The following GRM7 variants were observed in gnomAD, a reference collection of about 807,000 sequenced individuals.
The protein encoded by GRM7 is metabotropic glutamate receptor 7.
In GRM7, 35 loss-of-function variants were observed where a neutral mutation model predicts 84.5. The ratio of observed to expected loss-of-function variants is 0.41; its 90% CI spans 0.32 to 0.55. The LOEUF (loss-of-function observed/expected upper bound fraction) is 0.55, where lower values mean the gene tolerates loss of function less well. GRM7 is among the 20% of genes least tolerant of loss of function. The pLI, the probability that GRM7 is intolerant of heterozygous loss-of-function variation, is 0.19. For missense variants in GRM7, 1,003 were observed against 1,194.6 expected, an observed-to-expected ratio of 0.84 and a Z score of 2.36; for synonymous variants, 487 against 455.1, an observed-to-expected ratio of 1.07 and a Z score of -0.89.
At chr3:7,720,151 C>G (rs1410689457) in intron 9 of GRM7, among the ~76,000 whole-genome samples, 1 of 152,152 alleles carries the variant, frequency 6.6e-6, no homozygotes, top group African/African-American at 2.4e-5. Context: ...TGAAACTTGA[C>G]AATCTCTCAC....
intron 7 of GRM7, among the ~76,000 whole-genome samples, chr3:7,508,661 A>G (rs1226721599): frequency 6.6e-6 from 1 of 152,180 alleles, no homozygotes; most frequent in African/African-American, 2.4e-5. Context: ...ACTTTAGGGC[A>G]TTGAAAAATT....
chr3:7,656,577 A>AC (rs71043685), intron 8 of GRM7, among the ~76,000 whole-genome samples: 15 of 150,988 alleles, frequency 9.9e-5, no homozygotes, highest in South Asian at 4.2e-4. Context: ...ACACACACAC[A>AC]AAGTGTGCTG....
chr3:7,081,028 G>A (rs9877033), intron 1 of GRM7, among the ~76,000 whole-genome samples: 3,720 of 151,972 alleles, frequency 0.024, 147 homozygotes, highest in African/African-American at 0.081. Context: ...TTTAAATAAC[G>A]AAGATATAAG....
chr3:7,112,647 GT>G, intron 1 of GRM7, among the ~76,000 whole-genome samples: 1 of 152,254 alleles, frequency 6.6e-6, no homozygotes. Context: ...CCACTCGGTT[GT>G]TTTTGTCCTC....
chr3:7,013,956 T>A (rs1695472575), intron 1 of GRM7, among the ~76,000 whole-genome samples: 1 of 152,212 alleles, frequency 6.6e-6, no homozygotes, highest in African/African-American at 2.4e-5. Flanking sequence ...TCTTTTGGTG[T>A]TAACTGACAT....
chr3:7,439,577 A>G (rs975943585), intron 5 of GRM7, among the ~76,000 whole-genome samples: 1 of 152,192 alleles, frequency 6.6e-6, no homozygotes, highest in East Asian at 1.9e-4. Context: ...GACCCTTCAC[A>G]GTTTGTGACA....
At chr3:7,101,319 C>T (rs1439563252) in intron 1 of GRM7, among the ~76,000 whole-genome samples, 1 of 151,558 alleles carries the variant, frequency 6.6e-6, no homozygotes, top group Non-Finnish European at 1.5e-5. Context: ...ATATTTATAT[C>T]TCATTTGGGT....
intron 2 of GRM7, among the ~76,000 whole-genome samples, chr3:7,223,628 G>C (rs1380734916): frequency 3.3e-5 from 5 of 151,818 alleles, no homozygotes; most frequent in African/African-American, 1.2e-4. Context: ...ATACTCATCT[G>C]TACATGTGAG....
At chr3:6,937,370 C>G (rs1301934925) in intron 1 of GRM7, among the ~76,000 whole-genome samples, 1 of 152,130 alleles carries the variant, frequency 6.6e-6, no homozygotes, top group Non-Finnish European at 1.5e-5. Flanking sequence ...ACCTCAGCAT[C>G]TTAAACAAAT....
chr3:7,678,954 CA>C (rs34383807), intron 8 of GRM7, among the ~76,000 whole-genome samples: 142,555 of 152,262 alleles, frequency 0.94, 66,839 homozygotes, highest in South Asian at 0.98. Flanking sequence ...TCTTTGCAGA[CA>C]ATAATAATGT....
At chr3:7,368,416 T>C (rs749102601) in intron 4 of GRM7, among the ~76,000 whole-genome samples, 7 of 152,170 alleles carry the variant, frequency 4.6e-5, no homozygotes, top group Non-Finnish European at 8.8e-5. Context: ...TTCTTAGAGA[T>C]TATGCCTTAG....
intron 8 of GRM7, among the ~76,000 whole-genome samples, chr3:7,669,056 C>T (rs979278511): frequency 6.6e-6 from 1 of 152,184 alleles, no homozygotes; most frequent in Non-Finnish European, 1.5e-5. Context: ...GGCATAAGCC[C>T]GCATCCAAAT....
intron 2 of GRM7, among the ~76,000 whole-genome samples, chr3:7,204,858 G>A (rs1696183388): frequency 6.6e-6 from 1 of 152,194 alleles, no homozygotes; most frequent in African/African-American, 2.4e-5. Context: ...AAAACGATGT[G>A]AAATTTATGT....
At chr3:6,930,147 C>A (rs771472824) in intron 1 of GRM7, among the ~76,000 whole-genome samples, 1 of 152,168 alleles carries the variant, frequency 6.6e-6, no homozygotes, top group Admixed American at 6.6e-5. Flanking sequence ...TCTTTATATT[C>A]TCTGAACTGC....
chr3:7,556,933 T>C (rs1206622357), intron 7 of GRM7, among the ~76,000 whole-genome samples: 1 of 152,144 alleles, frequency 6.6e-6, no homozygotes, highest in Non-Finnish European at 1.5e-5. Flanking sequence ...AGAATGCTCA[T>C]AGGATTGCAG....
At chr3:7,503,943 C>G (rs1216668775) in intron 7 of GRM7, among the ~76,000 whole-genome samples, 1 of 152,134 alleles carries the variant, frequency 6.6e-6, no homozygotes, top group Non-Finnish European at 1.5e-5. Flanking sequence ...AATCTGTTCT[C>G]TGTGGATGGA....
intron 6 of GRM7, among the ~76,000 whole-genome samples, chr3:7,453,800 A>G (rs1697882385): frequency 1.3e-5 from 2 of 152,104 alleles, no homozygotes; most frequent in Admixed American, 1.3e-4. Flanking sequence ...TCTAATACTA[A>G]TAGGCTAAGC....
chr3:7,263,747 C>T (rs1163560600), intron 2 of GRM7, among the ~76,000 whole-genome samples: 1 of 152,066 alleles, frequency 6.6e-6, no homozygotes, highest in African/African-American at 2.4e-5. Flanking sequence ...GGGTGGGGCA[C>T]TGCCAGGGAC....
At chr3:7,181,075 AT>A (rs1485468994) in intron 2 of GRM7, among the ~76,000 whole-genome samples, 1 of 152,168 alleles carries the variant, frequency 6.6e-6, no homozygotes, top group Non-Finnish European at 1.5e-5. Context: ...GTGTCCACTC[AT>A]TAACCATATT....
Sources: allele counts gnomAD v4.1 joint callset (sites outside exome capture counted in the v4.1 genomes callset), GRCh38; gene constraint gnomAD v4.1.1; transcripts MANE v1.5; gene names NCBI Gene and HGNC (gene_info 2026-07-23, HGNC 2026-07-21).